The following ZNF704 variants were observed in gnomAD, a reference collection of about 807,000 sequenced individuals.
ZNF704 encodes the protein zinc finger protein 704, also known as glucocorticoid induced gene 1.
ZNF704 carries 10 observed loss-of-function variants against 44.7 expected under a neutral mutation model. That is an observed-to-expected ratio of 0.22 (90% CI 0.14 to 0.38). ZNF704 has a LOEUF of 0.38. ZNF704 is among the 10% of genes least tolerant of loss of function. The pLI, the probability that ZNF704 is intolerant of heterozygous loss-of-function variation, is 1.00. For synonymous variants in ZNF704, 211 were observed against 207.6 expected, an observed-to-expected ratio of 1.02 and a Z score of -0.14; for missense variants, 390 against 545.5, an observed-to-expected ratio of 0.71 and a Z score of 2.84.
chr8:80,883,366 T>G, the ZNF704 span, among the ~76,000 whole-genome samples: 11 of 152,110 alleles, frequency 7.2e-5, no homozygotes, highest in Non-Finnish European at 1.6e-4. Context: ...TATTTAACAT[T>G]AATATAAATG....
rs577436598 is a variant in ZNF704 at position 80,859,290 on chromosome 8, T to C, written c.-22+15281A>G. 3.3e-5 allele frequency among the ~76,000 whole-genome samples: 5 copies of C among 152,336 alleles called. No individual in the cohort carries two copies. In the South Asian group the frequency reaches 1.0e-3, roughly 32 times the overall value. ...AAGATGAAACATGAGACCAGACTGCTAGACTCAAAAAGCCACTACTTTGTG... is the reference window on the plus strand; with the variant it reads ...AAGATGAAACATGAGACCAGACTGCCAGACTCAAAAAGCCACTACTTTGTG... On this transcript the variant is annotated intron_variant, in intron 1 of 8. Transcript: ENST00000327835.
At chr8:80,787,119 A>G (rs568363462) in intron 2 of ZNF704, among the ~76,000 whole-genome samples, 12 of 152,324 alleles carry the variant, frequency 7.9e-5, no homozygotes, top group African/African-American at 2.9e-4. Flanking sequence ...CATGAAGAGA[A>G]AAGATTTTGT....
chr8:80,730,931 A>G (rs1327873882), intron 2 of ZNF704, among the ~76,000 whole-genome samples: 1 of 152,252 alleles, frequency 6.6e-6, no homozygotes, highest in East Asian at 1.9e-4. Flanking sequence ...TGATAACTGA[A>G]ACCAACTTTT....
At chr8:80,696,033 A>T (rs958200488) in intron 2 of ZNF704, among the ~76,000 whole-genome samples, 4 of 152,178 alleles carry the variant, frequency 2.6e-5, no homozygotes, top group Non-Finnish European at 5.9e-5. Flanking sequence ...TCTTTGTTTA[A>T]TTTCTTTTGG....
intron 6 of ZNF704, among the ~76,000 whole-genome samples, chr8:80,660,382 A>G (rs1211494588): frequency 6.6e-6 from 1 of 151,732 alleles, no homozygotes; most frequent in Non-Finnish European, 1.5e-5. Flanking sequence ...GGAGGCAGGA[A>G]GATTATGTGA....
At chr8:80,754,917 A>C (rs1248224793) in intron 2 of ZNF704, among the ~76,000 whole-genome samples, 1 of 152,232 alleles carries the variant, frequency 6.6e-6, no homozygotes, top group African/African-American at 2.4e-5. Flanking sequence ...GTTTAAGTCT[A>C]CTGAGATTTG....
intron 1 of ZNF704, among the ~76,000 whole-genome samples, chr8:80,852,123 C>T (rs1454758022): frequency 6.6e-6 from 1 of 152,152 alleles, no homozygotes; most frequent in African/African-American, 2.4e-5. Context: ...GAAAAACACA[C>T]TCTATGTTAA....
At chr8:80,750,517 T>C (rs986723534) in intron 2 of ZNF704, among the ~76,000 whole-genome samples, 32 of 151,982 alleles carry the variant, frequency 2.1e-4, no homozygotes, top group Non-Finnish European at 3.7e-4. Flanking sequence ...TTAAACTTTT[T>C]TTTTTTTCTT....
At chr8:80,808,633 C>T (rs566869672) in intron 2 of ZNF704, among the ~76,000 whole-genome samples, 2 of 152,296 alleles carry the variant, frequency 1.3e-5, no homozygotes, top group East Asian at 3.9e-4. Flanking sequence ...GGCTACAATT[C>T]TATGCTCCTC....
intron 1 of ZNF704, among the ~76,000 whole-genome samples, chr8:80,861,125 G>C (rs1473200005): frequency 6.6e-6 from 1 of 152,172 alleles, no homozygotes; most frequent in Non-Finnish European, 1.5e-5. Context: ...ATTCAACTCT[G>C]TTCACTGCTA....
At chr8:80,652,288 G>A (rs1297665768) in intron 7 of ZNF704, among the ~76,000 whole-genome samples, 2 of 152,004 alleles carry the variant, frequency 1.3e-5, no homozygotes, top group South Asian at 2.1e-4. Context: ...ACATTCAAAA[G>A]CTAGCAGAAG....
chr8:80,641,491 G>A lies in ZNF704; in HGVS notation c.1128-14C>T, dbSNP rs185104481. The A allele has an allele frequency of 2.3e-4, 364 of 1,582,310 alleles. No individual in the cohort carries two copies. The highest frequency in any genetic ancestry group is 2.8e-4 in the Non-Finnish European group (328 of 1,157,708). ...CCCCTGGGCTTCCTGTAAGACAGAC[G>A]AGGAAGGTTAGTTTAGTGGGAGGAA... On this transcript the variant is annotated splice_polypyrimidine_tract_variant and intron_variant, in intron 8 of 8. Coordinates refer to ENST00000327835, the MANE Select transcript of ZNF704 (RefSeq NM_001033723.3).
chr8:80,743,946 T>C (rs1171701746), intron 2 of ZNF704, among the ~76,000 whole-genome samples: 3 of 151,966 alleles, frequency 2.0e-5, no homozygotes, highest in African/African-American at 7.3e-5. Flanking sequence ...TAGTGAAATG[T>C]GACTCTAAGA....
At chr8:80,865,255 G>A (rs926838702) in intron 1 of ZNF704, among the ~76,000 whole-genome samples, 2 of 152,070 alleles carry the variant, frequency 1.3e-5, no homozygotes, top group Non-Finnish European at 2.9e-5. Context: ...TTAAAAAAAC[G>A]ATAGCCACTG....
chr8:80,648,085 A>G (rs985144012), intron 7 of ZNF704, among the ~76,000 whole-genome samples: 3 of 152,176 alleles, frequency 2.0e-5, no homozygotes, highest in East Asian at 1.9e-4. Flanking sequence ...GCTTGTTTTT[A>G]TAACAAACCC....
chr8:80,663,005 A>AT (rs1345054642), intron 6 of ZNF704, among the ~76,000 whole-genome samples: 1 of 152,216 alleles, frequency 6.6e-6, no homozygotes, highest in Non-Finnish European at 1.5e-5. Context: ...AAAAAGTTGA[A>AT]TAAGGTAGTT....
At position 80,665,956 on chromosome 8, in the gene ZNF704, T is replaced by C. The variant is rs936572182; in HGVS notation, c.660-874A>G. 1.7e-3 allele frequency among the ~76,000 whole-genome samples: 249 copies of C among 146,100 alleles called. 1 individual carries two copies. The highest frequency in any genetic ancestry group is 6.4e-3 in the African/African-American group (231 of 36,262). On this transcript the variant is annotated intron_variant, in intron 5 of 8. Transcript: ENST00000327835. ...TACCCAGTCTCAGATAGTTCTTTAT[T>C]TTTTATTTATTTATTTTTTTATTAT...
chr8:80,630,835 A>G lies in ZNF704; in HGVS notation c.*10531T>C, dbSNP rs1817571689. On this transcript the variant is annotated 3_prime_UTR_variant, in exon 9 of 9. Transcript: ENST00000327835. Reference sequence around the variant, plus strand: ...TCACTGTCCAACCATTAATTACAAAAATAGGAATTTTAGGGTGTGTTGTAG... The same window carrying G: ...TCACTGTCCAACCATTAATTACAAAGATAGGAATTTTAGGGTGTGTTGTAG... 2 of 152,192 alleles carry G rather than the reference A, an allele frequency of 1.3e-5. No homozygotes were observed. The highest frequency in any genetic ancestry group is 1.3e-4 in the Admixed American group (2 of 15,286). The allele number at this position is 152,192 out of a possible 1,614,324, so 9.4% of individuals were successfully genotyped here.
intron 2 of ZNF704, among the ~76,000 whole-genome samples, chr8:80,725,651 C>T (rs1302514498): frequency 6.6e-6 from 1 of 152,060 alleles, no homozygotes; most frequent in Non-Finnish European, 1.5e-5. Context: ...TGATGTCATC[C>T]TGCAAACTTA....
Sources: allele counts gnomAD v4.1 joint callset (sites outside exome capture counted in the v4.1 genomes callset), GRCh38; gene constraint gnomAD v4.1.1; transcripts MANE v1.5; gene names NCBI Gene and HGNC (gene_info 2026-07-23, HGNC 2026-07-21).